LRRK1: variants seen among roughly 807,000 people sequenced by gnomAD.
LRRK1 encodes the protein leucine rich repeat kinase 1, also known as leucine-rich repeat serine/threonine-protein kinase 1.
Under a neutral mutation model 209.1 loss-of-function variants are expected in LRRK1, and 113 were observed. That is an observed-to-expected ratio of 0.54 (90% confidence interval 0.46 to 0.63). The LOEUF (loss-of-function observed/expected upper bound fraction) is 0.63. Among genes scored for constraint, LRRK1 ranks in the 30% least tolerant of loss-of-function variants. The pLI is 0.00. For missense variants in LRRK1, 2,284 were observed against 2,632.2 expected (o/e 0.87, Z 2.89); for synonymous variants, 1,144 against 1,099.7 (o/e 1.04, Z -0.80).
In LRRK1 at chr15:100,983,657, G is replaced by A; in HGVS notation, c.391G>A (p.Gly131Arg). The A allele has an allele frequency of 6.2e-7, 1 of 1,609,208 alleles. No individual in the cohort carries two copies. The highest frequency in any genetic ancestry group is 8.5e-7 in the Non-Finnish European group (1 of 1,176,686). The change falls in exon 4 of 34, where the codon GGA becomes AGA. Residue 131 changes from glycine (G) to arginine (R), a missense_variant. By Grantham distance (125) the Gly-to-Arg change is moderately radical. Coordinates refer to ENST00000388948, the MANE Select transcript of LRRK1 (RefSeq NM_024652.6). ...CCCAGCCGTGGTGGCAGCGTATTTT[G>A]GACACACGGCAGTTGTGCAGGAATT... ...DNPAVVAAYF[G>R]HTAVVQELLE...
chr15:100,923,643 C>CT (rs2141590070), intron 1 of LRRK1, among the ~76,000 whole-genome samples: 1 of 152,288 alleles, frequency 6.6e-6, no homozygotes, highest in East Asian at 1.9e-4. Context: ...TGGGGGGACT[C>CT]TAAGCTCAGT....
chr15:101,027,600 G>T lies in LRRK1; in HGVS notation c.2527-38G>T. 40 of 1,597,942 alleles carry T rather than the reference G, an allele frequency of 2.5e-5. No individual in the cohort carries two copies. Among genetic ancestry groups the T allele is most frequent in the Non-Finnish European group, 3.3e-5 (39 of 1,173,632 alleles). On this transcript the variant is annotated intron_variant, in intron 18 of 33. Coordinates refer to ENST00000388948, the MANE Select transcript of LRRK1 (RefSeq NM_024652.6). This position sits in a 1 kb window ranked among gnomAD's most constrained non-coding sequence, Gnocchi z 5.1. The stretch of plus-strand genomic sequence containing the variant: ...TGCCCAAGCTGGCAGGTGTGCCTTG[G>T]GACCTGAGAGACCCTGCCTCGCCCA...
intron 6 of LRRK1, among the ~76,000 whole-genome samples, chr15:101,002,492 G>C (rs1206876823): frequency 6.6e-6 from 1 of 152,248 alleles, no homozygotes; most frequent in Non-Finnish European, 1.5e-5. Flanking sequence ...ACCTGTTTGT[G>C]ATAGGGTGGG....
Position 101,077,683 on chromosome 15 carries a change from A to T in LRRK1, c.*8835A>T, listed in dbSNP as rs1324229799. 1 of 151,684 alleles carries T rather than the reference A, an allele frequency of 6.6e-6. No homozygotes were observed. The highest frequency in any genetic ancestry group is 2.4e-5 in the African/African-American group (1 of 41,220). 9.4% of individuals were successfully genotyped at this position (151,684 alleles called of 1,614,324 possible). A position where few individuals can be genotyped will look rare whatever the true frequency, so the allele number is the denominator to read the frequency against. On this transcript the variant is annotated 3_prime_UTR_variant, in exon 34 of 34. Transcript: ENST00000388948. The stretch of plus-strand genomic sequence containing the variant: ...ACCTCCCTTCAGCTTAATCTCTCCC[A>T]CTCTAGGTTCCCACGCCGCCCCGAA...
chr15:101,065,452 A>G lies in LRRK1; in HGVS notation c.5015A>G (p.His1672Arg), dbSNP rs375652666. ...GACAGCTGCTCCTACCTGTGCTCAC[A>G]CACAGCCAACAGGTCCAAGTTCAGC... ...PKDSCSYLCS[H>R]TANRSKFSIA... Residue 1672 changes from histidine (H) to arginine (R), a missense_variant, in exon 32 of 34, where the codon CAC becomes CGC. His to Arg is a conservative substitution (Grantham distance 29, BLOSUM62 0). Coordinates refer to ENST00000388948, the MANE Select transcript of LRRK1 (RefSeq NM_024652.6). The G allele has an allele frequency of 1.2e-6, 2 of 1,614,190 alleles. No individual in the cohort carries two copies. The highest frequency in any genetic ancestry group is 1.7e-6 in the Non-Finnish European group (2 of 1,180,030).
chr15:100,947,451 T>C (rs768458886), intron 2 of LRRK1, among the ~76,000 whole-genome samples: 1 of 152,248 alleles, frequency 6.6e-6, no homozygotes, highest in Non-Finnish European at 1.5e-5. Flanking sequence ...TATTATTTAA[T>C]GTAGTAAGAC....
In LRRK1 at chr15:100,937,059, TTC is replaced by T. The variant is rs200007388; in HGVS notation, c.97+12334_97+12335del. Among the ~76,000 whole-genome samples, 488 of 152,328 alleles carry T rather than the reference TTC, an allele frequency of 3.2e-3. 3 individuals are homozygous for T. The highest frequency in any genetic ancestry group is 0.011 in the African/African-American group (460 of 41,568). Reference sequence around the variant, plus strand: ...TAATGGGTAGATGTCTCACTATTGATTCTCTGTCTTTAAAGGTTATAGGTTTA... The same window carrying T: ...TAATGGGTAGATGTCTCACTATTGATTCTGTCTTTAAAGGTTATAGGTTTA... On this transcript the variant is annotated intron_variant, in intron 2 of 33. Transcript: ENST00000388948.
At position 100,988,766 on chromosome 15, in the gene LRRK1, AGTTCCCT is replaced by A; in HGVS notation, c.569_575del (p.Phe190SerfsTer45). ...GAGAGCTACGCTGTCAGGAAGAATGAGTTCCCTGTCATCGTGCGCTTGCCCCTGTATG... is the reference window on the plus strand; with the variant it reads ...GAGAGCTACGCTGTCAGGAAGAATGAGTCATCGTGCGCTTGCCCCTGTATG... On this transcript the variant is annotated frameshift_variant, in exon 5 of 34. Coordinates refer to ENST00000388948, the MANE Select transcript of LRRK1 (RefSeq NM_024652.6). LOFTEE classifies it high-confidence loss of function. 6.2e-7 allele frequency: 1 copy of A among 1,612,532 alleles called. No individual in the cohort carries two copies. Among genetic ancestry groups the A allele is most frequent in the Non-Finnish European group, 8.5e-7 (1 of 1,178,646 alleles).
In LRRK1 at chr15:101,069,898, ATGCACACACATG is replaced by A. The variant is rs975511074; in HGVS notation, c.*1055_*1066del. 1 of 152,290 alleles carries A rather than the reference ATGCACACACATG, an allele frequency of 6.6e-6. No homozygotes were observed. The highest frequency in any genetic ancestry group is 1.5e-5 in the Non-Finnish European group (1 of 68,042). The allele number at this position is 152,290 out of a possible 1,614,324, so 9.4% of individuals were successfully genotyped here. The stretch of plus-strand genomic sequence containing the variant: ...ATGCATTACACACATGCACACACAT[ATGCACACACATG>A]TGCAAACATAGCCACTTTTTTGTCA... On this transcript the variant is annotated 3_prime_UTR_variant, in exon 34 of 34. Coordinates refer to ENST00000388948, the MANE Select transcript of LRRK1 (RefSeq NM_024652.6).
Position 101,009,033 on chromosome 15 carries a change from T to C in LRRK1, c.959T>C (p.Val320Ala). Residue 320 changes from valine (V) to alanine (A), a missense_variant, in exon 7 of 34, where the codon GTG becomes GCG. Physicochemically the swap from Val to Ala is moderately conservative, Grantham distance 64. Coordinates refer to ENST00000388948, the MANE Select transcript of LRRK1 (RefSeq NM_024652.6). ...SDNHLGELPG[V>A]QSSDEIICSR... ...AACCACCTGGGGGAGCTGCCTGGCG[T>C]GCAGTCATCGGACGAAATCATCTGT... 6.2e-7 allele frequency: 1 copy of C among 1,614,174 alleles called. No individual in the cohort carries two copies. The highest frequency in any genetic ancestry group is 8.5e-7 in the Non-Finnish European group (1 of 1,180,004).
intron 6 of LRRK1, among the ~76,000 whole-genome samples, chr15:100,995,578 C>T (rs60783510): frequency 0.055 from 8,414 of 152,206 alleles, 566 homozygotes; most frequent in African/African-American, 0.16. Context: ...AGACGGCCCG[C>T]GTTCGTGGTG....
chr15:101,053,401 G>C lies in LRRK1; in HGVS notation c.4035G>C (p.Val1345=). 1 of 1,597,762 alleles carries C rather than the reference G, an allele frequency of 6.3e-7. No homozygotes were observed. The highest frequency in any genetic ancestry group is 1.1e-5 in the South Asian group (1 of 90,752). ...ELAPLSSLNT[V]LSENARDSSF... ...CGCCGCTCAGCAGCCTCAACACCGT[G>C]CTGTCCGAGAACGCCAGAGGTACCG... The change falls in exon 26 of 34, where the codon GTG becomes GTC. Residue 1345 remains valine (V), a synonymous_variant. Transcript: ENST00000388948.
intron 29 of LRRK1, among the ~76,000 whole-genome samples, 165 bp downstream of exon 29, chr15:101,058,306 A>G (rs1385832702): frequency 6.6e-6 from 1 of 152,170 alleles, no homozygotes; most frequent in Non-Finnish European, 1.5e-5. Flanking sequence ...GAGCAGAAGA[A>G]AGTCCACACA....
rs566026374 is a variant in LRRK1 at position 101,014,534 on chromosome 15, C to T, written c.1532+106C>T. The T allele has an allele frequency of 3.4e-4, 253 of 754,638 alleles. 1 individual carries two copies. The highest frequency in any genetic ancestry group is 5.2e-4 in the Non-Finnish European group (228 of 442,470). The allele number at this position is 754,638 out of a possible 1,614,324, so 46.7% of individuals were successfully genotyped here. A position where few individuals can be genotyped will look rare whatever the true frequency, so the allele number is the denominator to read the frequency against. On this transcript the variant is annotated intron_variant, in intron 11 of 33. Transcript: ENST00000388948. The stretch of plus-strand genomic sequence containing the variant: ...TGTGAGTCTGCGAGGGCTGCTGAGC[C>T]GCCAGCTGGGGGCTTAACAACAGAA...
chr15:101,066,969 AG>A, intron 33 of LRRK1, among the ~76,000 whole-genome samples: 1 of 152,234 alleles, frequency 6.6e-6, no homozygotes, highest in South Asian at 2.1e-4. Context: ...GTGCACCTGT[AG>A]ATCAAGTACC....
At position 101,066,665 on chromosome 15, in the gene LRRK1, G is replaced by A; in HGVS notation, c.5794G>A (p.Gly1932Ser). 1.9e-6 allele frequency: 3 copies of A among 1,614,210 alleles called. No individual in the cohort carries two copies. Among genetic ancestry groups the A allele is most frequent in the Non-Finnish European group, 2.5e-6 (3 of 1,180,032 alleles). ...GCGCGGTGGAGATGTTATCGTCATT[G>A]GCCTGGAGAAGGATTCTGGCGCCCA... is the stretch of plus-strand genomic sequence containing the variant. ...PRRGGDVIVI[G>S]LEKDSGAQRG... Residue 1932 changes from glycine (G) to serine (S), a missense_variant, in exon 33 of 34, where the codon GGC becomes AGC. Physicochemically the swap from Gly to Ser is moderately conservative, Grantham distance 56. Coordinates refer to ENST00000388948, the MANE Select transcript of LRRK1 (RefSeq NM_024652.6).
intron 29 of LRRK1, among the ~76,000 whole-genome samples, chr15:101,058,624 G>GGGGGGGT: frequency 1.8e-5 from 2 of 112,378 alleles, no homozygotes; most frequent in Non-Finnish European, 4.3e-5. Context: ...CAACGGGGGG[G>GGGGGGGT]GGCGTCTAAA....
chr15:100,972,363 A>AGAGAGAGAGAGAGAGTGTGTGTGTGT (rs1176201849), intron 2 of LRRK1, among the ~76,000 whole-genome samples: 5 of 98,470 alleles, frequency 5.1e-5, no homozygotes, highest in Non-Finnish European at 9.5e-5. Flanking sequence ...AGAGAGAGAG[A>AGAGAGAGAGAGAGAGTGTGTGTGTGT]GTGTGTGTGT....
chr15:100,925,414 G>A (rs2042092485), intron 2 of LRRK1, among the ~76,000 whole-genome samples: 2 of 152,230 alleles, frequency 1.3e-5, no homozygotes, highest in East Asian at 1.9e-4. Flanking sequence ...GGAGTGCTAT[G>A]TGCAGTTATT....
Sources: allele counts gnomAD v4.1 joint callset (sites outside exome capture counted in the v4.1 genomes callset), GRCh38; gene constraint gnomAD v4.1.1; non-coding constraint Gnocchi (gnomAD v3.1); transcripts MANE v1.5; gene names NCBI Gene and HGNC (gene_info 2026-07-23, HGNC 2026-07-21).